HOXC6: variants seen among roughly 807,000 people sequenced by gnomAD.
HOXC6 encodes the protein homeobox protein Hox-C6.
HOXC6 carries 10 observed loss-of-function variants against 24.0 expected under a neutral mutation model. The observed-to-expected ratio is 0.42, with a 90% CI of 0.26 to 0.71. The LOEUF (loss-of-function observed/expected upper bound fraction) is 0.71. HOXC6 is among the 30% of genes least tolerant of loss of function. The probability of loss-of-function intolerance (pLI) is 0.28; values close to 1 mark genes in which losing one functional copy is unlikely to be tolerated. For missense variants in HOXC6, 258 were observed against 303.4 expected (o/e 0.85, Z 1.11); for synonymous variants, 123 against 128.1 (o/e 0.96, Z 0.27).
At chr12:54,026,944 C>G (rs555339186), upstream of HOXC6, among the ~76,000 whole-genome samples, 35 of 136,584 alleles carry the variant, frequency 2.6e-4, no homozygotes, top group East Asian at 1.5e-3. Context: ...TTTCCCCCCC[C>G]CCAACCCACC....
upstream of HOXC6, among the ~76,000 whole-genome samples, chr12:54,027,167 G>A (rs1222058550): frequency 6.6e-6 from 1 of 152,188 alleles, no homozygotes; most frequent in Non-Finnish European, 1.5e-5. Context: ...CTGCCTTTTC[G>A]TAACCGTCTC....
intron 1 of HOXC6, chr12:54,022,516 T>C (rs1049689256): frequency 1.3e-5 from 2 of 152,276 alleles, no homozygotes; most frequent in Admixed American, 1.3e-4. Context: ...TCCCAGTCTC[T>C]CTCTCTCTCT....
exon 1 of HOXC6, chr12:54,016,956 A>C (rs919813154): frequency 6.6e-5 from 10 of 152,076 alleles, no homozygotes; most frequent in East Asian, 2.0e-4. Context: ...TCCCTTCATT[A>C]GCAGTATTTT....
intron 1 of HOXC6, chr12:54,021,883 G>C (rs1027943196): frequency 3.3e-5 from 5 of 152,364 alleles, no homozygotes; most frequent in African/African-American, 9.7e-5. Context: ...AGAACAAAGT[G>C]CTGTGCTATC....
chr12:54,030,193 T>G lies in HOXC6; in HGVS notation c.*231T>G, dbSNP rs1373959423. ...TCCTCGCTCCCTTGCTAGCTCGTTC[T>G]CGGCTTGTCTACAGGCCCTTTTCCC... On this transcript the variant is annotated 3_prime_UTR_variant, in exon 2 of 2. Transcript: ENST00000243108. The G allele has an allele frequency of 2.2e-6, 1 of 464,674 alleles. No individual in the cohort carries two copies. The highest frequency in any genetic ancestry group is 3.8e-6 in the Non-Finnish European group (1 of 261,396). The allele number at this position is 464,674 out of a possible 1,614,324, so 28.8% of individuals were successfully genotyped here.
At chr12:54,024,367 C>G (rs1003493121), upstream of HOXC6, among the ~76,000 whole-genome samples, 23 of 152,064 alleles carry the variant, frequency 1.5e-4, no homozygotes, top group African/African-American at 5.6e-4. Flanking sequence ...TCAGGAGGCA[C>G]CGAGCTGTAG....
At chr12:54,018,653 C>T (rs1219766584) in intron 1 of HOXC6, among the ~76,000 whole-genome samples, 2 of 152,220 alleles carry the variant, frequency 1.3e-5, no homozygotes, top group African/African-American at 4.8e-5. Flanking sequence ...GCCCTGCTCC[C>T]CGGCCTGGGT....
upstream of HOXC6, chr12:54,028,402 C>A: frequency 8.6e-7 from 1 of 1,163,918 alleles, no homozygotes. Flanking sequence ...GGTCAGCTGA[C>A]TTTGTCATTT....
chr12:54,026,078 A>G (rs1221936612), upstream of HOXC6, among the ~76,000 whole-genome samples: 12 of 152,234 alleles, frequency 7.9e-5, no homozygotes. Flanking sequence ...TGAAGGAAAT[A>G]TCACTGACAT....
chr12:54,026,187 C>A (rs540139208), upstream of HOXC6, among the ~76,000 whole-genome samples: 1 of 152,252 alleles, frequency 6.6e-6, no homozygotes, highest in South Asian at 2.1e-4. Context: ...ACCCTTAGGG[C>A]AGAAAGGAGG....
chr12:54,026,835 G>A (rs1032546476), upstream of HOXC6, among the ~76,000 whole-genome samples: 4 of 151,966 alleles, frequency 2.6e-5, no homozygotes, highest in Non-Finnish European at 5.9e-5. Flanking sequence ...GCATAGTCCC[G>A]TTTATGGCTT....
chr12:54,019,316 G>C (rs1245562778), intron 1 of HOXC6, among the ~76,000 whole-genome samples: 1 of 152,124 alleles, frequency 6.6e-6, no homozygotes, highest in Non-Finnish European at 1.5e-5. Context: ...AGGCTGCCGC[G>C]CGCTCTCCCG....
intron 1 of HOXC6, chr12:54,022,542 T>G (rs1740538977): frequency 6.6e-6 from 1 of 152,188 alleles, no homozygotes; most frequent in South Asian, 2.1e-4. Flanking sequence ...CCAGCACAGA[T>G]TAAATGGTTC....
intron 1 of HOXC6, among the ~76,000 whole-genome samples, chr12:54,023,033 A>C (rs758964786): frequency 4.6e-5 from 7 of 152,200 alleles, no homozygotes; most frequent in Non-Finnish European, 1.0e-4. Context: ...TGGGCCAAGC[A>C]GGGCCACTTG....
At chr12:54,026,940 C>T (rs1047688023), upstream of HOXC6, among the ~76,000 whole-genome samples, 4 of 141,916 alleles carry the variant, frequency 2.8e-5, no homozygotes, top group Admixed American at 7.1e-5. Flanking sequence ...CAGCTTTCCC[C>T]CCCCCCAACC....
chr12:54,028,263 ATATATT>A (rs1344108100), upstream of HOXC6: 1,540 of 72,806 alleles, frequency 0.021, 18 homozygotes, highest in Non-Finnish European at 0.026. Context: ...ATATATATAT[ATATATT>A]TTTTAAAAGA....
chr12:54,029,585 G>A, intron 1 of HOXC6, 70 bp from the exon 2 acceptor site: 1 of 1,517,884 alleles, frequency 6.6e-7, no homozygotes, highest in East Asian at 2.3e-5. Flanking sequence ...TCAGGACTTT[G>A]CTAGGCGAAA....
Position 54,030,039 on chromosome 12 carries a change from A to G in HOXC6, c.*77A>G. 2 of 1,302,944 alleles carry G rather than the reference A, an allele frequency of 1.5e-6. No individual in the cohort carries two copies. Among genetic ancestry groups the G allele is most frequent in the Non-Finnish European group, 1.0e-6 (1 of 964,440 alleles). The allele number at this position is 1,302,944 out of a possible 1,614,324, so 80.7% of individuals were successfully genotyped here. A position where few individuals can be genotyped will look rare whatever the true frequency, so the allele number is the denominator to read the frequency against. On this transcript the variant is annotated 3_prime_UTR_variant, in exon 2 of 2. Transcript: ENST00000243108. ...ACTCTCCCCTAATCACACACTCTGTATTTATCACTGGCACAATTGATGTGT... is the reference window on the plus strand; with the variant it reads ...ACTCTCCCCTAATCACACACTCTGTGTTTATCACTGGCACAATTGATGTGT...
chr12:54,025,112 G>A (rs1301492132), upstream of HOXC6, among the ~76,000 whole-genome samples: 2 of 152,190 alleles, frequency 1.3e-5, no homozygotes, highest in East Asian at 3.8e-4. Context: ...TTGGGGGGTA[G>A]TGTTCTCTGA....
Sources: allele counts gnomAD v4.1 joint callset (sites outside exome capture counted in the v4.1 genomes callset), GRCh38; gene constraint gnomAD v4.1.1; transcripts MANE v1.5; gene names NCBI Gene and HGNC (gene_info 2026-07-23, HGNC 2026-07-21).